ANO3: variants seen among roughly 807,000 people sequenced by gnomAD.
ANO3 encodes the protein anoctamin 3.
ANO3 carries 99 observed loss-of-function variants against 144.8 expected under a neutral mutation model. The observed-to-expected ratio is 0.68, with a 90% CI of 0.58 to 0.81. The LOEUF (loss-of-function observed/expected upper bound fraction) is 0.81, where lower values mean the gene tolerates loss of function less well. ANO3 is among the 30% of genes least tolerant of loss of function. ANO3 has a pLI of 0.00. For missense variants in ANO3, 905 were observed against 1,202.2 expected (o/e 0.75, Z 3.66); for synonymous variants, 414 against 392.6 (o/e 1.05, Z -0.64).
At chr11:26,432,423 A>G (rs1163026250) in intron 1 of ANO3, among the ~76,000 whole-genome samples, 1 of 151,882 alleles carries the variant, frequency 6.6e-6, no homozygotes, top group Non-Finnish European at 1.5e-5. Flanking sequence ...CCATTTTCCA[A>G]TTTTTTGCTT....
chr11:26,431,409 T>C (rs756583204), intron 1 of ANO3, among the ~76,000 whole-genome samples: 9 of 152,228 alleles, frequency 5.9e-5, no homozygotes, highest in African/African-American at 9.6e-5. Context: ...AGGTAGCTTT[T>C]CTTTAACTTT....
At chr11:26,435,206 C>A (rs943287223) in intron 1 of ANO3, among the ~76,000 whole-genome samples, 1 of 152,050 alleles carries the variant, frequency 6.6e-6, no homozygotes, top group Non-Finnish European at 1.5e-5. Context: ...ATATGAAATG[C>A]TTGGTTGAAG....
intron 1 of ANO3, among the ~76,000 whole-genome samples, chr11:26,337,425 T>A (rs941877073): frequency 4.6e-5 from 7 of 152,180 alleles, no homozygotes; most frequent in African/African-American, 1.7e-4. Flanking sequence ...ATCTAGAATT[T>A]TAATTATCTA....
At chr11:26,402,911 G>A (rs1416440216) in intron 1 of ANO3, among the ~76,000 whole-genome samples, 1 of 151,632 alleles carries the variant, frequency 6.6e-6, no homozygotes. Context: ...TCTTAATTAG[G>A]GTTCCTTCAG....
intron 1 of ANO3, among the ~76,000 whole-genome samples, chr11:26,435,604 T>C (rs1225605104): frequency 6.6e-6 from 1 of 152,216 alleles, no homozygotes; most frequent in Non-Finnish European, 1.5e-5. Context: ...TTTTTATTCT[T>C]TGTTCTTTAC....
In ANO3 at chr11:26,662,235, G is replaced by C. The variant is rs188670302; in HGVS notation, c.*1791G>C. 30 of 151,954 alleles carry C rather than the reference G, an allele frequency of 2.0e-4. No homozygotes were observed. The highest frequency in any genetic ancestry group is 7.2e-4 in the African/African-American group (30 of 41,448). 9.4% of individuals were successfully genotyped at this position (151,954 alleles called of 1,614,324 possible). A position where few individuals can be genotyped will look rare whatever the true frequency, so the allele number is the denominator to read the frequency against. On this transcript the variant is annotated 3_prime_UTR_variant, in exon 27 of 27. Coordinates refer to ENST00000256737, the MANE Select transcript of ANO3 (RefSeq NM_031418.4). Reference sequence around the variant, plus strand: ...CCTTGTCCTCTGATTCTGAGCAAAGGGCCTCAGACTCTGAACTTCCCTCAA... The same window carrying C: ...CCTTGTCCTCTGATTCTGAGCAAAGCGCCTCAGACTCTGAACTTCCCTCAA...
chr11:26,653,714 A>G (rs1350716405), intron 24 of ANO3, among the ~76,000 whole-genome samples: 1 of 151,586 alleles, frequency 6.6e-6, no homozygotes, highest in Non-Finnish European at 1.5e-5. Flanking sequence ...GAAACTGTCC[A>G]TCCCCAGATA....
chr11:26,635,635 A>G (rs1000801745), intron 20 of ANO3, among the ~76,000 whole-genome samples: 3 of 152,186 alleles, frequency 2.0e-5, no homozygotes, highest in African/African-American at 7.2e-5. Context: ...CTTCTTCAGT[A>G]TTTAGCCAAT....
intron 1 of ANO3, among the ~76,000 whole-genome samples, chr11:26,297,920 A>G (rs1854130585): frequency 6.6e-6 from 1 of 152,164 alleles, no homozygotes; most frequent in Admixed American, 6.5e-5. Flanking sequence ...AGCCAAGACC[A>G]CCTGACACCA....
chr11:26,354,952 A>G (rs757609676), intron 1 of ANO3, among the ~76,000 whole-genome samples: 10 of 151,756 alleles, frequency 6.6e-5, no homozygotes, highest in Non-Finnish European at 1.3e-4. Flanking sequence ...GTTCAAAAGC[A>G]ATTTACTAAA....
intron 1 of ANO3, among the ~76,000 whole-genome samples, chr11:26,395,732 G>A (rs1480277159): frequency 2.9e-5 from 4 of 138,776 alleles, no homozygotes; most frequent in Admixed American, 1.4e-4. Context: ...TGGGAAAACT[G>A]GCTAGCCATA....
Position 26,640,057 on chromosome 11 carries a change from T to G in ANO3, c.2141+816T>G, listed in dbSNP as rs547695114. Among the ~76,000 whole-genome samples, 9 of 152,276 alleles carry G rather than the reference T, an allele frequency of 5.9e-5. No homozygotes were observed. In the South Asian group the frequency reaches 1.7e-3, roughly 28 times the overall value. ...GGTACATATTTTATCAGAACATTCT[T>G]GAACAAAGATCTGGGGGTTGTAGAA... On this transcript the variant is annotated intron_variant, in intron 21 of 26. Coordinates refer to ENST00000256737, the MANE Select transcript of ANO3 (RefSeq NM_031418.4).
intron 5 of ANO3, among the ~76,000 whole-genome samples, chr11:26,515,294 C>T (rs1861819230): frequency 1.3e-5 from 2 of 151,620 alleles, no homozygotes; most frequent in East Asian, 3.9e-4. Flanking sequence ...AAAATCAATC[C>T]TTGATCCAGA....
chr11:26,591,902 A>C (rs1173777797), intron 14 of ANO3, among the ~76,000 whole-genome samples: 3 of 152,076 alleles, frequency 2.0e-5, no homozygotes, highest in Non-Finnish European at 4.4e-5. Context: ...CACTCCAGCC[A>C]CTTTAACCAT....
chr11:26,640,063 A>G (rs1212217231), intron 21 of ANO3, among the ~76,000 whole-genome samples: 1 of 152,090 alleles, frequency 6.6e-6, no homozygotes, highest in Non-Finnish European at 1.5e-5. Flanking sequence ...TTCTTGAACA[A>G]AGATCTGGGG....
intron 12 of ANO3, among the ~76,000 whole-genome samples, chr11:26,552,189 A>T (rs1455580917): frequency 6.6e-6 from 1 of 152,028 alleles, no homozygotes; most frequent in East Asian, 1.9e-4. Context: ...CAGACATAAA[A>T]TCATCTTTGC....
chr11:26,465,192 A>T (rs1404370640), intron 4 of ANO3, among the ~76,000 whole-genome samples: 1 of 149,654 alleles, frequency 6.7e-6, no homozygotes, highest in Non-Finnish European at 1.5e-5. Flanking sequence ...ATATATTTTC[A>T]GTTAGATCTT....
chr11:26,228,095 A>G (rs1309750223), intron 1 of ANO3, among the ~76,000 whole-genome samples: 1 of 152,162 alleles, frequency 6.6e-6, no homozygotes, highest in Admixed American at 6.6e-5. Flanking sequence ...AGGTGTTTGG[A>G]CCTGATTATA....
At chr11:26,246,853 A>T (rs1852809217) in intron 1 of ANO3, among the ~76,000 whole-genome samples, 2 of 152,058 alleles carry the variant, frequency 1.3e-5, no homozygotes, top group African/African-American at 4.8e-5. Context: ...TCCATGTAAG[A>T]TGTGCCTTTG....
Sources: allele counts gnomAD v4.1 joint callset (sites outside exome capture counted in the v4.1 genomes callset), GRCh38; gene constraint gnomAD v4.1.1; transcripts MANE v1.5; gene names NCBI Gene and HGNC (gene_info 2026-07-23, HGNC 2026-07-21).